SMAGP: variants seen among roughly 807,000 people sequenced by gnomAD.
The protein encoded by SMAGP is small cell adhesion glycoprotein, also known as small cell transmembrane and glycosylated protein.
In SMAGP, 7 loss-of-function variants were observed where a neutral mutation model predicts 10.1. That is an observed-to-expected ratio of 0.70 (90% confidence interval 0.40 to 1.31). The LOEUF (loss-of-function observed/expected upper bound fraction) is 1.31, where lower values mean the gene tolerates loss of function less well. Among genes scored for constraint, SMAGP ranks in the 50% most tolerant of loss-of-function variants. SMAGP has a pLI of 0.01. For missense variants in SMAGP, 113 were observed against 116.5 expected, an observed-to-expected ratio of 0.97 and a Z score of 0.14; for synonymous variants, 49 against 47.2, an observed-to-expected ratio of 1.04 and a Z score of -0.16.
At chr12:51,265,048 T>C (rs1446038397) in intron 2 of SMAGP, among the ~76,000 whole-genome samples, 1 of 150,158 alleles carries the variant, frequency 6.7e-6, no homozygotes, top group Non-Finnish European at 1.5e-5. Flanking sequence ...ACAAATCAAC[T>C]AAAAAATGGG....
chr12:51,264,798 A>C (rs1206060824), intron 2 of SMAGP, among the ~76,000 whole-genome samples: 1 of 151,644 alleles, frequency 6.6e-6, no homozygotes, highest in Non-Finnish European at 1.5e-5. Flanking sequence ...CGGGTGTGGC[A>C]GCGTGTGCCT....
At chr12:51,269,157 C>T (rs1945003650) in intron 2 of SMAGP, 88 bp downstream of exon 2, 1 of 1,481,418 alleles carries the variant, frequency 6.8e-7, no homozygotes, top group Non-Finnish European at 9.4e-7. Context: ...GGAGTCTTCC[C>T]ACCTGGGCTG....
intron 2 of SMAGP, among the ~76,000 whole-genome samples, chr12:51,258,878 G>A (rs1944908372): frequency 6.6e-6 from 1 of 151,088 alleles, no homozygotes; most frequent in African/African-American, 2.4e-5. Flanking sequence ...TGGGTGCAGT[G>A]GCTCATGCCT....
intron 2 of SMAGP, among the ~76,000 whole-genome samples, chr12:51,260,389 T>C (rs1435695490): frequency 6.6e-6 from 1 of 151,834 alleles, no homozygotes; most frequent in Admixed American, 6.6e-5. Flanking sequence ...GTTGTTGTTG[T>C]TTTTTGAGAC....
intron 2 of SMAGP, among the ~76,000 whole-genome samples, chr12:51,251,848 C>T (rs1486950267): frequency 6.6e-6 from 1 of 152,088 alleles, no homozygotes; most frequent in East Asian, 1.9e-4. Flanking sequence ...TCAGAGGACT[C>T]CCCACCCTCT....
chr12:51,257,216 T>C (rs967462749), intron 2 of SMAGP, among the ~76,000 whole-genome samples: 2 of 152,084 alleles, frequency 1.3e-5, no homozygotes, highest in South Asian at 2.1e-4. Context: ...AGAGGCACAA[T>C]TGATGATGCA....
chr12:51,270,013 C>A (rs1224023879), intron 1 of SMAGP: 1 of 151,744 alleles, frequency 6.6e-6, no homozygotes. Context: ...CCTCGCCCCG[C>A]GGCCCCGCCC....
At chr12:51,254,024 A>C (rs760972811) in intron 2 of SMAGP, among the ~76,000 whole-genome samples, 35 of 152,210 alleles carry the variant, frequency 2.3e-4, no homozygotes, top group Non-Finnish European at 4.7e-4. Context: ...GAAGGGGAAA[A>C]TGGGGAGTTA....
intron 2 of SMAGP, among the ~76,000 whole-genome samples, chr12:51,261,812 C>G (rs1222659294): frequency 6.6e-6 from 1 of 151,934 alleles, no homozygotes; most frequent in African/African-American, 2.4e-5. Context: ...ACAGGCCATC[C>G]ATTGTGGAAA....
intron 2 of SMAGP, among the ~76,000 whole-genome samples, chr12:51,262,587 C>T (rs1944940528): frequency 6.6e-6 from 1 of 152,150 alleles, no homozygotes; most frequent in Non-Finnish European, 1.5e-5. Flanking sequence ...CCCGTTTCTA[C>T]CCCATTTTTT....
intron 2 of SMAGP, among the ~76,000 whole-genome samples, chr12:51,253,405 G>T (rs921205770): frequency 1.3e-5 from 2 of 152,088 alleles, no homozygotes; most frequent in Non-Finnish European, 2.9e-5. Context: ...GGGTGGGTAT[G>T]ATCCCGCAAT....
chr12:51,268,757 TG>T (rs1442985394), intron 2 of SMAGP, among the ~76,000 whole-genome samples: 4 of 152,134 alleles, frequency 2.6e-5, no homozygotes, highest in Admixed American at 6.6e-5. Context: ...CTAATTTTTT[TG>T]TATTTTTAGT....
intron 2 of SMAGP, among the ~76,000 whole-genome samples, chr12:51,248,272 G>A (rs191475079): frequency 6.6e-6 from 1 of 152,202 alleles, no homozygotes; most frequent in African/African-American, 2.4e-5. Flanking sequence ...AGAAAGCAGA[G>A]GCAGGCTGTC....
chr12:51,266,050 C>G (rs1438228148), intron 2 of SMAGP, among the ~76,000 whole-genome samples: 1 of 151,948 alleles, frequency 6.6e-6, no homozygotes, highest in Non-Finnish European at 1.5e-5. Flanking sequence ...CTACTGCACT[C>G]CAGCCTGGGT....
At chr12:51,266,160 G>A (rs1944972776) in intron 2 of SMAGP, among the ~76,000 whole-genome samples, 1 of 151,806 alleles carries the variant, frequency 6.6e-6, no homozygotes, top group Non-Finnish European at 1.5e-5. Flanking sequence ...GTCAACTGCA[G>A]TCCGAAAACA....
intron 2 of SMAGP, among the ~76,000 whole-genome samples, chr12:51,248,765 G>C (rs1235576306): frequency 4.6e-5 from 7 of 151,978 alleles, no homozygotes; most frequent in Non-Finnish European, 7.4e-5. Flanking sequence ...CCGCATAGTT[G>C]AACATGGCTG....
Position 51,245,243 on chromosome 12 carries a change from C to G in SMAGP, c.*698G>C, listed in dbSNP as rs986501607. On this transcript the variant is annotated 3_prime_UTR_variant, in exon 4 of 4. Coordinates refer to ENST00000603798, the MANE Select transcript of SMAGP (RefSeq NM_001031628.2). The stretch of plus-strand genomic sequence containing the variant: ...TAGAACTTTCCTAGGGTTCTTATTG[C>G]TTGGAAGAGAACATATGTAAAGGCG... 7 of 152,066 alleles carry G rather than the reference C, an allele frequency of 4.6e-5. No individual in the cohort carries two copies. Among genetic ancestry groups the G allele is most frequent in the African/African-American group, 1.7e-4 (7 of 41,370 alleles). 9.4% of individuals were successfully genotyped at this position (152,066 alleles called of 1,614,324 possible).
At chr12:51,263,983 T>C (rs1373835553) in intron 2 of SMAGP, among the ~76,000 whole-genome samples, 3 of 152,092 alleles carry the variant, frequency 2.0e-5, no homozygotes, top group Non-Finnish European at 2.9e-5. Flanking sequence ...GATGCAGTTG[T>C]AAAATATGAT....
Position 51,257,312 on chromosome 12 carries a change from TAGG to T in SMAGP, c.35-10484_35-10482del, listed in dbSNP as rs145525744. Among the ~76,000 whole-genome samples the T allele has an allele frequency of 4.7e-3, 719 of 152,196 alleles. 9 individuals are homozygous for T. Among genetic ancestry groups the T allele is most frequent in the African/African-American group, 0.016 (672 of 41,518 alleles). On this transcript the variant is annotated intron_variant, in intron 2 of 3. Coordinates refer to ENST00000603798, the MANE Select transcript of SMAGP (RefSeq NM_001031628.2). ...AGCAGCAGAGACAGTGCCATTGGAA[TAGG>T]AGGAAAAGCAGAGTATATGGGCACA...
Sources: allele counts gnomAD v4.1 joint callset (sites outside exome capture counted in the v4.1 genomes callset), GRCh38; gene constraint gnomAD v4.1.1; transcripts MANE v1.5; gene names NCBI Gene and HGNC (gene_info 2026-07-23, HGNC 2026-07-21).